CHN1: variants seen among roughly 807,000 people sequenced by gnomAD.
CHN1 encodes N-chimaerin.
CHN1 carries 37 observed loss-of-function variants against 59.5 expected under a neutral mutation model. The observed-to-expected ratio is 0.62, with a 90% confidence interval of 0.48 to 0.82. The LOEUF (loss-of-function observed/expected upper bound fraction) is 0.82. Ranked by LOEUF, CHN1 falls within the 40% of genes least tolerant of loss-of-function variation. The pLI, the probability that CHN1 is intolerant of heterozygous loss-of-function variation, is 0.00. For synonymous variants in CHN1, 206 were observed against 200.4 expected, an observed-to-expected ratio of 1.03 and a Z score of -0.24; for missense variants, 469 against 571.0, an observed-to-expected ratio of 0.82 and a Z score of 1.82.
intron 8 of CHN1, among the ~76,000 whole-genome samples, chr2:174,817,864 C>A (rs1484466284): frequency 6.6e-6 from 1 of 152,142 alleles, no homozygotes; most frequent in East Asian, 1.9e-4. Context: ...GTCTCGATCT[C>A]CTGACCTCGT....
In CHN1 at chr2:174,945,088, A is replaced by G. The variant is rs1417585736; in HGVS notation, c.59-145T>C. On this transcript the variant is annotated intron_variant, in intron 2 of 12. Coordinates refer to ENST00000409900, the MANE Select transcript of CHN1 (RefSeq NM_001822.7). ...TAAATTGTGTTATGAACAAAACAAA[A>G]AAAGTAAACAAAACTACATATAGTG... is the stretch of plus-strand genomic sequence containing the variant. 5 of 584,966 alleles carry G rather than the reference A, an allele frequency of 8.5e-6. No homozygotes were observed. In the East Asian group the frequency reaches 1.4e-4, roughly 17 times the overall value. The allele number at this position is 584,966 out of a possible 1,614,324, so 36.2% of individuals were successfully genotyped here.
intron 6 of CHN1, among the ~76,000 whole-genome samples, chr2:174,874,960 G>A (rs540518211): frequency 3.7e-5 from 5 of 135,166 alleles, no homozygotes; most frequent in African/African-American, 5.6e-5. Flanking sequence ...TGCAACCTCC[G>A]CCTCCTGGGT....
At chr2:174,891,140 C>G (rs866398289) in intron 5 of CHN1, among the ~76,000 whole-genome samples, 24 of 24,424 alleles carry the variant, frequency 9.8e-4, no homozygotes, top group African/African-American at 2.4e-3. Flanking sequence ...GACTCCATCT[C>G]AAAAAAAAAA....
intron 1 of CHN1, among the ~76,000 whole-genome samples, chr2:174,992,787 C>T (rs1157596128): frequency 1.3e-5 from 2 of 151,750 alleles, no homozygotes; most frequent in East Asian, 1.9e-4. Context: ...AATCCCTCTA[C>T]TTTTGATATC....
rs141692721 is a variant in CHN1 at position 174,858,165 on chromosome 2, C to T, written c.550-11208G>A. ...TTCTGTTGATTAGGCTGGGATGAAG[C>T]CTAAGTGATTTGGTTATTTTAAAAA... On this transcript the variant is annotated intron_variant, in intron 6 of 12. Transcript: ENST00000409900. Among the ~76,000 whole-genome samples the T allele has an allele frequency of 2.6e-3, 401 of 152,028 alleles. 1 individual carries two copies. Among genetic ancestry groups the T allele is most frequent in the African/African-American group, 9.2e-3 (382 of 41,482 alleles).
chr2:174,920,730 C>A (rs1309713942), intron 3 of CHN1, among the ~76,000 whole-genome samples: 4 of 152,142 alleles, frequency 2.6e-5, no homozygotes, highest in Non-Finnish European at 5.9e-5. Context: ...ATTTTTGGCA[C>A]CAGGGACTGG....
In CHN1 at chr2:174,804,951, C is replaced by G. The variant is rs115872581; in HGVS notation, c.1103-3139G>C. Among the ~76,000 whole-genome samples the G allele has an allele frequency of 5.4e-3, 819 of 152,326 alleles. 7 individuals are homozygous for G. Among genetic ancestry groups the G allele is most frequent in the African/African-American group, 0.019 (769 of 41,562 alleles). On this transcript the variant is annotated intron_variant, in intron 11 of 12. Coordinates refer to ENST00000409900, the MANE Select transcript of CHN1 (RefSeq NM_001822.7). ...GATCAAATTGGCAGACATTCTTCTC[C>G]AGAACTCATTTCTCCTTTTCTTCCA... is the stretch of plus-strand genomic sequence containing the variant.
chr2:174,955,126 T>A (rs1690152648), intron 1 of CHN1, among the ~76,000 whole-genome samples: 2 of 147,362 alleles, frequency 1.4e-5, no homozygotes, highest in Admixed American at 1.4e-4. Context: ...TCTATAGATC[T>A]AATATAGATC....
At chr2:174,980,737 T>G (rs1228800600) in intron 1 of CHN1, among the ~76,000 whole-genome samples, 5 of 152,192 alleles carry the variant, frequency 3.3e-5, no homozygotes. Context: ...TTTTTAAATG[T>G]GTAGATTGTT....
At chr2:174,983,611 T>C (rs1402326705) in intron 1 of CHN1, among the ~76,000 whole-genome samples, 1 of 151,730 alleles carries the variant, frequency 6.6e-6, no homozygotes, top group Non-Finnish European at 1.5e-5. Flanking sequence ...GGGTGGATCA[T>C]AAGGTCAGGA....
intron 1 of CHN1, among the ~76,000 whole-genome samples, chr2:174,965,294 T>C (rs1690559894): frequency 6.6e-6 from 1 of 152,124 alleles, no homozygotes; most frequent in Non-Finnish European, 1.5e-5. Flanking sequence ...TATTTCTTTC[T>C]TTTTATTATA....
At chr2:174,942,421 T>C (rs1208643326) in intron 3 of CHN1, among the ~76,000 whole-genome samples, 1 of 152,050 alleles carries the variant, frequency 6.6e-6, no homozygotes, top group African/African-American at 2.4e-5. Flanking sequence ...AAAAGATGAA[T>C]ACTGCACATT....
At chr2:174,837,858 T>C (rs1198111876) in intron 7 of CHN1, among the ~76,000 whole-genome samples, 1 of 152,200 alleles carries the variant, frequency 6.6e-6, no homozygotes, top group East Asian at 1.9e-4. Flanking sequence ...CTTTGGTGTA[T>C]ATACACATCT....
chr2:174,812,550 A>C, intron 8 of CHN1, 68 bp from the exon 9 acceptor site: 1 of 1,519,768 alleles, frequency 6.6e-7, no homozygotes, highest in Non-Finnish European at 9.0e-7. Context: ...CTGGAGTGTT[A>C]ATTTTAGCAA....
chr2:174,988,230 G>A (rs370746967), intron 1 of CHN1, among the ~76,000 whole-genome samples: 141 of 151,650 alleles, frequency 9.3e-4, no homozygotes, highest in African/African-American at 2.8e-3. Context: ...GGTGGTGCGC[G>A]CCTGTAGTCC....
chr2:174,801,130 G>A (rs1684706701), intron 12 of CHN1, among the ~76,000 whole-genome samples: 2 of 152,206 alleles, frequency 1.3e-5, no homozygotes, highest in African/African-American at 4.8e-5. Flanking sequence ...CAAGTAGGGA[G>A]TAAAGCTGCA....
chr2:174,836,357 T>G (rs1289012330), intron 7 of CHN1, among the ~76,000 whole-genome samples: 1 of 152,222 alleles, frequency 6.6e-6, no homozygotes, highest in African/African-American at 2.4e-5. Context: ...TGACCAAAAG[T>G]AGAAATTTAG....
At chr2:174,967,052 G>A (rs4111404) in intron 1 of CHN1, among the ~76,000 whole-genome samples, 48,424 of 151,966 alleles carry the variant, frequency 0.32, 8,977 homozygotes, top group Admixed American at 0.45. Flanking sequence ...TGCATCTCAC[G>A]TCTAAAATGC....
At chr2:174,976,682 T>G (rs1294018533) in intron 1 of CHN1, among the ~76,000 whole-genome samples, 1 of 152,210 alleles carries the variant, frequency 6.6e-6, no homozygotes, top group Non-Finnish European at 1.5e-5. Context: ...CTTAAAGAAC[T>G]CAGATGGCTC....
Sources: allele counts gnomAD v4.1 joint callset (sites outside exome capture counted in the v4.1 genomes callset), GRCh38; gene constraint gnomAD v4.1.1; transcripts MANE v1.5; gene names NCBI Gene and HGNC (gene_info 2026-07-23, HGNC 2026-07-21).